The following CADM2 variants were observed in gnomAD, a reference collection of about 807,000 sequenced individuals.
CADM2 encodes cell adhesion molecule 2, also known as immunoglobulin superfamily member 4D.
In CADM2, 12 loss-of-function variants were observed where a neutral mutation model predicts 49.8. That is an observed-to-expected ratio of 0.24 (90% CI 0.15 to 0.39). The LOEUF is 0.39. CADM2 is among the 10% of genes least tolerant of loss of function. The pLI is 1.00. For synonymous variants in CADM2, 214 were observed against 175.4 expected, an observed-to-expected ratio of 1.22 and a Z score of -1.74; for missense variants, 378 against 492.3, an observed-to-expected ratio of 0.77 and a Z score of 2.20.
intron 1 of CADM2, among the ~76,000 whole-genome samples, chr3:85,508,837 ATGTGTG>A (rs10524905): frequency 0.095 from 14,172 of 149,710 alleles, 2,193 homozygotes; most frequent in African/African-American, 0.32. Flanking sequence ...CTGTGTGTGT[ATGTGTG>A]TGTGTGTGTG....
chr3:85,164,832 A>G (rs554305032), intron 1 of CADM2, among the ~76,000 whole-genome samples: 1 of 152,126 alleles, frequency 6.6e-6, no homozygotes, highest in East Asian at 1.9e-4. Context: ...CCACTTTTAA[A>G]TTAAAATCGT....
chr3:86,056,087 T>TA (rs890054709), intron 8 of CADM2, among the ~76,000 whole-genome samples: 11 of 152,304 alleles, frequency 7.2e-5, no homozygotes, highest in Non-Finnish European at 1.2e-4. Flanking sequence ...AGATAGCCTT[T>TA]AAAAACATCC....
chr3:85,109,337 T>A (rs549293754), intron 1 of CADM2, among the ~76,000 whole-genome samples: 1 of 151,518 alleles, frequency 6.6e-6, no homozygotes, highest in Non-Finnish European at 1.5e-5. Context: ...AGCATTAATA[T>A]GCATAAACAT....
chr3:85,135,989 T>G (rs962712542), intron 1 of CADM2, among the ~76,000 whole-genome samples: 1 of 152,034 alleles, frequency 6.6e-6, no homozygotes, highest in Admixed American at 6.5e-5. Context: ...AAATCTCGCT[T>G]GAATATGTAG....
chr3:85,836,179 G>A (rs1275613262), intron 3 of CADM2, among the ~76,000 whole-genome samples: 1 of 151,462 alleles, frequency 6.6e-6, no homozygotes, highest in African/African-American at 2.4e-5. Context: ...GCTTTCAGGG[G>A]AGGAAAAAAA....
chr3:85,199,372 A>AT (rs2041431281), intron 1 of CADM2, among the ~76,000 whole-genome samples: 8 of 119,944 alleles, frequency 6.7e-5, no homozygotes, highest in Admixed American at 1.7e-4. Flanking sequence ...TGTGTGTATG[A>AT]GAGAGAGAGA....
intron 8 of CADM2, among the ~76,000 whole-genome samples, chr3:85,989,429 G>A (rs1444313744): frequency 6.6e-6 from 1 of 152,056 alleles, no homozygotes; most frequent in African/African-American, 2.4e-5. Flanking sequence ...AGGACACTGG[G>A]GGACAGGGGA....
intron 1 of CADM2, among the ~76,000 whole-genome samples, chr3:85,042,559 G>A (rs943494264): frequency 6.6e-6 from 1 of 151,634 alleles, no homozygotes; most frequent in Non-Finnish European, 1.5e-5. Flanking sequence ...TTTTGACCGG[G>A]TTTCATTTCT....
At chr3:85,351,570 C>T (rs1183070197) in intron 1 of CADM2, among the ~76,000 whole-genome samples, 2 of 152,122 alleles carry the variant, frequency 1.3e-5, no homozygotes, top group African/African-American at 4.8e-5. Flanking sequence ...AACACTCAGG[C>T]TTTGAAAAGC....
chr3:85,220,793 A>G (rs963195875), intron 1 of CADM2, among the ~76,000 whole-genome samples: 2 of 142,926 alleles, frequency 1.4e-5, no homozygotes, highest in Non-Finnish European at 3.1e-5. Context: ...ATTGAGGAAG[A>G]GAATGGTTGC....
At chr3:85,267,207 C>A (rs2043140370) in intron 1 of CADM2, among the ~76,000 whole-genome samples, 1 of 151,758 alleles carries the variant, frequency 6.6e-6, no homozygotes, top group Non-Finnish European at 1.5e-5. Flanking sequence ...ACTCTCAGTA[C>A]AACTCCCATG....
chr3:86,013,519 C>T, intron 8 of CADM2: 1 of 1,604,664 alleles, frequency 6.2e-7, no homozygotes, highest in African/African-American at 1.3e-5. Context: ...GCAGTTAACA[C>T]GTTGTTTTCT....
At chr3:85,895,856 C>A (rs942192838) in intron 5 of CADM2, among the ~76,000 whole-genome samples, 2 of 151,458 alleles carry the variant, frequency 1.3e-5, no homozygotes, top group Non-Finnish European at 2.9e-5. Context: ...AGCCTTTGCT[C>A]CTCTTTTGCT....
intron 1 of CADM2, among the ~76,000 whole-genome samples, chr3:85,293,848 A>G (rs1009195035): frequency 1.7e-4 from 26 of 150,012 alleles, no homozygotes; most frequent in African/African-American, 6.4e-4. Flanking sequence ...AATGGGCAAA[A>G]ACTGGAAGCA....
At chr3:85,719,576 A>G (rs544132759) in intron 1 of CADM2, among the ~76,000 whole-genome samples, 1 of 152,284 alleles carries the variant, frequency 6.6e-6, no homozygotes, top group South Asian at 2.1e-4. Flanking sequence ...GAGAAAATAT[A>G]TTTACTCTTC....
chr3:85,793,357 AG>A (rs1197888855), intron 2 of CADM2, among the ~76,000 whole-genome samples: 19 of 152,342 alleles, frequency 1.2e-4, no homozygotes, highest in African/African-American at 4.3e-4. Flanking sequence ...TAGCAATTCA[AG>A]ATCACTGTTC....
intron 1 of CADM2, among the ~76,000 whole-genome samples, chr3:85,417,104 CTT>C (rs1491417006): frequency 6.6e-6 from 1 of 151,754 alleles, no homozygotes; most frequent in Non-Finnish European, 1.5e-5. Flanking sequence ...TTAAAAAAAA[CTT>C]TATAAAATGC....
intron 8 of CADM2, among the ~76,000 whole-genome samples, chr3:85,971,872 C>T (rs1726190976): frequency 6.6e-6 from 1 of 151,606 alleles, no homozygotes; most frequent in Non-Finnish European, 1.5e-5. Context: ...TTACCGCCTA[C>T]AGTTTAAAAT....
intron 1 of CADM2, among the ~76,000 whole-genome samples, chr3:85,586,658 G>C (rs1020365211): frequency 2.0e-5 from 3 of 152,076 alleles, no homozygotes; most frequent in Admixed American, 6.6e-5. Flanking sequence ...TAATAAATCT[G>C]TTAGGTTGGT....
Sources: allele counts gnomAD v4.1 joint callset (sites outside exome capture counted in the v4.1 genomes callset), GRCh38; gene constraint gnomAD v4.1.1; transcripts MANE v1.5; gene names NCBI Gene and HGNC (gene_info 2026-07-23, HGNC 2026-07-21).